CDH13: variants seen among roughly 807,000 people sequenced by gnomAD.
CDH13 encodes cadherin-13.
Under a neutral mutation model 63.8 loss-of-function variants are expected in CDH13, and 24 were observed. The ratio of observed to expected loss-of-function variants is 0.38; its 90% CI spans 0.27 to 0.53. The LOEUF is 0.53. Among genes scored for constraint, CDH13 ranks in the 20% least tolerant of loss-of-function variants. The pLI is 0.85. For synonymous variants in CDH13, 503 were observed against 355.3 expected (o/e 1.42, Z -4.67); for missense variants, 1,049 against 903.1 (o/e 1.16, Z -2.07).
intron 6 of CDH13, among the ~76,000 whole-genome samples, chr16:83,406,002 G>A (rs1000430613): frequency 6.6e-6 from 1 of 152,134 alleles, no homozygotes; most frequent in Non-Finnish European, 1.5e-5. Flanking sequence ...AGCTGCATTG[G>A]GCACTCCCAC....
intron 5 of CDH13, among the ~76,000 whole-genome samples, chr16:83,301,174 G>A (rs2089732722): frequency 6.6e-6 from 1 of 151,694 alleles, no homozygotes; most frequent in African/African-American, 2.4e-5. Flanking sequence ...TGGGACTACA[G>A]GCGCCCACCA....
At chr16:83,544,720 G>A (rs1363468292) in intron 7 of CDH13, among the ~76,000 whole-genome samples, 1 of 152,130 alleles carries the variant, frequency 6.6e-6, no homozygotes, top group East Asian at 1.9e-4. Flanking sequence ...TGAAATCATC[G>A]TAAGTCAGGG....
chr16:82,832,387 A>G (rs1233510666), intron 1 of CDH13, among the ~76,000 whole-genome samples: 4 of 152,184 alleles, frequency 2.6e-5, no homozygotes, highest in Non-Finnish European at 5.9e-5. Flanking sequence ...TTTTACAGCA[A>G]GTAGGTACTT....
At chr16:83,390,041 G>T (rs1296750245) in intron 6 of CDH13, among the ~76,000 whole-genome samples, 1 of 144,706 alleles carries the variant, frequency 6.9e-6, no homozygotes. Context: ...TGGGGCCTTA[G>T]CTACCCTTGT....
At chr16:82,886,630 T>C (rs566243987) in intron 2 of CDH13, among the ~76,000 whole-genome samples, 59 of 152,284 alleles carry the variant, frequency 3.9e-4, no homozygotes, top group African/African-American at 1.3e-3. Flanking sequence ...TACTTTCTAA[T>C]GAGAAAGTTT....
chr16:83,236,039 G>C (rs527664659), intron 5 of CDH13, among the ~76,000 whole-genome samples: 33 of 152,292 alleles, frequency 2.2e-4, no homozygotes, highest in African/African-American at 7.9e-4. Context: ...ATGCGTTTAA[G>C]ATATTTAACT....
intron 2 of CDH13, among the ~76,000 whole-genome samples, chr16:82,882,355 C>G (rs780927744): frequency 6.6e-6 from 1 of 152,202 alleles, no homozygotes; most frequent in Non-Finnish European, 1.5e-5. Context: ...GAGTCACTCA[C>G]TTCCTGAAGT....
chr16:83,043,198 A>G (rs1335324035), intron 3 of CDH13, among the ~76,000 whole-genome samples: 3 of 152,222 alleles, frequency 2.0e-5, no homozygotes, highest in Non-Finnish European at 4.4e-5. Context: ...CAATTCATTA[A>G]TTTAAATAGA....
rs562942948 is a variant in CDH13 at position 82,672,999 on chromosome 16, C to CTTT, written c.45+45880_45+45882dup. 3.0e-3 allele frequency among the ~76,000 whole-genome samples: 243 copies of CTTT among 81,248 alleles called. 31 individuals carry two copies. The highest frequency in any genetic ancestry group is 5.5e-3 in the South Asian group (11 of 1,982). The allele number at this position is 81,248 out of a possible 152,430, so 53.3% of individuals were successfully genotyped here. On this transcript the variant is annotated intron_variant, in intron 1 of 13. Transcript: ENST00000567109. ...GTATGGCTAATTTTTATAAAGTTTT[C>CTTT]TTTTTTTTTTTTTTTTTTTTGTAGA... is the stretch of plus-strand genomic sequence containing the variant.
At chr16:82,750,368 G>A (rs1188790194) in intron 1 of CDH13, among the ~76,000 whole-genome samples, 1 of 152,166 alleles carries the variant, frequency 6.6e-6, no homozygotes, top group Non-Finnish European at 1.5e-5. Flanking sequence ...AAGCCCAAGT[G>A]TGTGCCTCTA....
chr16:83,722,715 G>A (rs1388918976), intron 10 of CDH13, among the ~76,000 whole-genome samples: 1 of 152,216 alleles, frequency 6.6e-6, no homozygotes, highest in African/African-American at 2.4e-5. Flanking sequence ...TCTTTGTCCA[G>A]CAGAGTCACC....
At chr16:83,546,432 T>G (rs912345188) in intron 7 of CDH13, among the ~76,000 whole-genome samples, 2 of 150,696 alleles carry the variant, frequency 1.3e-5, no homozygotes, top group African/African-American at 2.4e-5. Flanking sequence ...ACTACTGGTT[T>G]TTTTTTTTTT....
At chr16:83,225,587 C>G (rs540739211) in intron 5 of CDH13, among the ~76,000 whole-genome samples, 12 of 152,116 alleles carry the variant, frequency 7.9e-5, no homozygotes, top group Non-Finnish European at 1.5e-4. Flanking sequence ...GCCTTGGGGT[C>G]GGCAGAACCA....
chr16:83,070,980 A>C (rs2032394107), intron 3 of CDH13, among the ~76,000 whole-genome samples: 1 of 151,850 alleles, frequency 6.6e-6, no homozygotes, highest in Non-Finnish European at 1.5e-5. Context: ...AGGTCATGAT[A>C]GCACCGTCTT....
chr16:82,993,797 C>T (rs1020612311), intron 2 of CDH13, among the ~76,000 whole-genome samples: 5 of 152,118 alleles, frequency 3.3e-5, no homozygotes, highest in Non-Finnish European at 5.9e-5. Flanking sequence ...ATCTAACAAG[C>T]AGGTTTTCCT....
intron 7 of CDH13, among the ~76,000 whole-genome samples, chr16:83,594,104 C>T (rs1484513866): frequency 6.6e-6 from 1 of 152,194 alleles, no homozygotes; most frequent in Non-Finnish European, 1.5e-5. Flanking sequence ...AAGGAAGGCT[C>T]CACTTCCAAG....
intron 2 of CDH13, among the ~76,000 whole-genome samples, chr16:82,926,380 T>C (rs1044953775): frequency 6.6e-6 from 1 of 152,206 alleles, no homozygotes; most frequent in Non-Finnish European, 1.5e-5. Flanking sequence ...CGCACCCCTG[T>C]GCCTGTTTTC....
rs541699980 is a variant in CDH13, at chr16:83,292,385, C to G, written c.637-52477C>G. 3.2e-4 allele frequency among the ~76,000 whole-genome samples: 49 copies of G among 152,230 alleles called. 1 individual carries two copies. Among genetic ancestry groups the G allele is most frequent in the African/African-American group, 1.1e-3 (45 of 41,540 alleles). On this transcript the variant is annotated intron_variant, in intron 5 of 13. Coordinates refer to ENST00000567109, the MANE Select transcript of CDH13 (RefSeq NM_001257.5). Reference sequence around the variant, plus strand: ...CTGTGGCCACTTTTCCATGTGGGGACTTTTGGGGCCTGATGGCTTTTTGGT... The same window carrying G: ...CTGTGGCCACTTTTCCATGTGGGGAGTTTTGGGGCCTGATGGCTTTTTGGT...
chr16:83,434,757 C>G (rs1010991997), intron 6 of CDH13, among the ~76,000 whole-genome samples: 1 of 151,236 alleles, frequency 6.6e-6, no homozygotes, highest in African/African-American at 2.4e-5. Context: ...TCTGCTGTCG[C>G]CCTAACCAAG....
Sources: allele counts gnomAD v4.1 joint callset (sites outside exome capture counted in the v4.1 genomes callset), GRCh38; gene constraint gnomAD v4.1.1; transcripts MANE v1.5; gene names NCBI Gene and HGNC (gene_info 2026-07-23, HGNC 2026-07-21).